GARIN5B: variants seen among roughly 807,000 people sequenced by gnomAD.
GARIN5B encodes Golgi-associated RAB2 interactor protein 5B.
the GARIN5B span, chr19:55,359,981 T>G: frequency 6.5e-7 from 1 of 1,541,930 alleles, no homozygotes; most frequent in Non-Finnish European, 8.8e-7. Flanking sequence ...TGTGCAGGCC[T>G]GTAGGTGGAC....
At chr19:55,359,262 A>T in the GARIN5B span, 3 of 1,548,402 alleles carry the variant, frequency 1.9e-6, no homozygotes, top group Non-Finnish European at 2.6e-6. Context: ...GCCTTCTGGG[A>T]TGGGGCAGGG....
At chr19:55,356,530 A>C in the GARIN5B span, among the ~76,000 whole-genome samples, 1 of 151,816 alleles carries the variant, frequency 6.6e-6, no homozygotes, top group East Asian at 2.0e-4. Flanking sequence ...CTGGTCTTGA[A>C]ATCCTGACCT....
chr19:55,362,435 A>G, the GARIN5B span: 1 of 1,550,160 alleles, frequency 6.5e-7, no homozygotes. Context: ...GCCCGAGACC[A>G]GGCGCAGCTT....
chr19:55,363,228 C>A, the GARIN5B span: 1 of 689,272 alleles, frequency 1.5e-6, no homozygotes, highest in Non-Finnish European at 2.1e-6. The surrounding 1 kb of genome is among the most constrained non-coding windows in gnomAD (Gnocchi z 4.0). Context: ...CGGGCCTCCG[C>A]CATGGCCCTG....
At chr19:55,355,246 G>C in the GARIN5B span, 3 of 1,446,720 alleles carry the variant, frequency 2.1e-6, no homozygotes, top group South Asian at 3.7e-5. Context: ...GATCTCCAGG[G>C]TCTTAAAGGG....
chr19:55,356,418 G>C, the GARIN5B span, among the ~76,000 whole-genome samples: 1 of 152,010 alleles, frequency 6.6e-6, no homozygotes, highest in African/African-American at 2.4e-5. Context: ...TGTTGCCCAG[G>C]CTGGAGTGCA....
the GARIN5B span, chr19:55,355,323 C>A: frequency 1.9e-6 from 3 of 1,550,230 alleles, no homozygotes; most frequent in Middle Eastern, 1.8e-4. Flanking sequence ...TCCGGCCACT[C>A]GGAGTGCTGG....
the GARIN5B span, chr19:55,361,506 G>A: frequency 7.1e-7 from 1 of 1,412,440 alleles, no homozygotes; most frequent in Non-Finnish European, 9.4e-7. Flanking sequence ...GAGAGGCCTA[G>A]GCCCCCTCCT....
At chr19:55,356,675 C>CT in the GARIN5B span, among the ~76,000 whole-genome samples, 1 of 152,110 alleles carries the variant, frequency 6.6e-6, no homozygotes, top group Non-Finnish European at 1.5e-5. Context: ...TAATGTACCC[C>CT]TTAAAGTGGC....
the GARIN5B span, chr19:55,362,525 G>A: frequency 2.0e-6 from 3 of 1,494,728 alleles, no homozygotes; most frequent in South Asian, 2.5e-5. Flanking sequence ...AGAGGGGAGC[G>A]TCTAGAGCAG....
chr19:55,361,653 T>A, the GARIN5B span, among the ~76,000 whole-genome samples: 318 of 14,712 alleles, frequency 0.022, no homozygotes, highest in Non-Finnish European at 0.03. Flanking sequence ...GGCCCCAGCC[T>A]CTCCTCCCTT....
chr19:55,359,265 G>C, the GARIN5B span: 1 of 1,551,148 alleles, frequency 6.4e-7, no homozygotes, highest in Non-Finnish European at 8.7e-7. Flanking sequence ...TTCTGGGATG[G>C]GGCAGGGAGG....
chr19:55,359,586 A>T, the GARIN5B span: 1 of 1,551,036 alleles, frequency 6.4e-7, no homozygotes, highest in Non-Finnish European at 8.7e-7. Flanking sequence ...TTCCACGATG[A>T]AGCAGGTACA....
chr19:55,360,008 A>G, the GARIN5B span: 4 of 1,512,952 alleles, frequency 2.6e-6, no homozygotes, highest in East Asian at 9.9e-5. Context: ...GAGAGGATAC[A>G]TGGTCAGGAT....
At chr19:55,355,495 C>T in the GARIN5B span, 1 of 709,190 alleles carries the variant, frequency 1.4e-6, no homozygotes, top group South Asian at 1.7e-5. Context: ...TTGTATCTGC[C>T]TGGGGCAGAG....
the GARIN5B span, chr19:55,359,915 C>T: frequency 9.0e-6 from 14 of 1,551,356 alleles, no homozygotes; most frequent in Non-Finnish European, 1.2e-5. Context: ...AGCTGAGACA[C>T]AGTGTGAAGG....
At chr19:55,355,068 C>T in the GARIN5B span, 2 of 351,116 alleles carry the variant, frequency 5.7e-6, no homozygotes, top group Non-Finnish European at 1.1e-5. Context: ...CCGCTTCCTA[C>T]AGTCGGTGCG....
the GARIN5B span, chr19:55,361,165 C>G: frequency 6.4e-7 from 1 of 1,551,296 alleles, no homozygotes; most frequent in Non-Finnish European, 8.7e-7. Context: ...CACCACCCCG[C>G]CGGCTCACCT....
At chr19:55,356,218 A>AG in the GARIN5B span, among the ~76,000 whole-genome samples, 899 of 151,610 alleles carry the variant, frequency 5.9e-3, 7 homozygotes, top group Non-Finnish European at 7.1e-3. Flanking sequence ...AAAAAAAAAA[A>AG]GAAAAGAAAA....
Sources: gnomAD v4.1 joint callset for allele counts (sites outside exome capture counted in the v4.1 genomes callset) on GRCh38, gnomAD v4.1.1 for gene constraint, Gnocchi (gnomAD v3.1) non-coding constraint, MANE v1.5 for transcripts, NCBI Gene and HGNC (gene_info 2026-07-23, HGNC 2026-07-21) for gene names.